Variants in SPATA18 observed in about 807,000 individuals in gnomAD.
The protein encoded by SPATA18 is spermatogenesis associated 18, also known as mitochondria-eating protein.
SPATA18 carries 54 observed loss-of-function variants against 68.1 expected under a neutral mutation model. The ratio of observed to expected loss-of-function variants is 0.79; its 90% CI spans 0.64 to 0.99. SPATA18 has a LOEUF of 0.99. Ranked by LOEUF, SPATA18 falls within the 50% of genes least tolerant of loss-of-function variation. The probability of loss-of-function intolerance (pLI) is 0.00; values close to 1 mark genes in which losing one functional copy is unlikely to be tolerated. For missense variants in SPATA18, 724 were observed against 681.1 expected (o/e 1.06, Z -0.70); for synonymous variants, 242 against 244.8 (o/e 0.99, Z 0.11).
intron 4 of SPATA18, among the ~76,000 whole-genome samples, chr4:52,064,973 G>A (rs1739197414): frequency 6.6e-6 from 1 of 152,160 alleles, no homozygotes; most frequent in African/African-American, 2.4e-5. Flanking sequence ...ATTCTTGCAG[G>A]AGTAAGATGG....
chr4:52,072,237 T>C, intron 6 of SPATA18, 81 bp downstream of exon 6: 1 of 1,546,062 alleles, frequency 6.5e-7, no homozygotes, highest in South Asian at 1.3e-5. Context: ...ATAAGTAAAA[T>C]GATAAAATGA....
chr4:52,085,540 A>G (rs553833633), intron 11 of SPATA18, among the ~76,000 whole-genome samples: 3 of 152,330 alleles, frequency 2.0e-5, no homozygotes, highest in African/African-American at 7.2e-5. Flanking sequence ...CAAAAACATC[A>G]TGAAAACTAT....
rs1308345735 is a variant in SPATA18, at chr4:52,095,590, T to C, written c.*703T>C. 2.6e-5 allele frequency: 4 copies of C among 152,284 alleles called. No homozygotes were observed. The highest frequency in any genetic ancestry group is 5.9e-5 in the Non-Finnish European group (4 of 68,112). 9.4% of individuals were successfully genotyped at this position (152,284 alleles called of 1,614,324 possible). A position where few individuals can be genotyped will look rare whatever the true frequency, so the allele number is the denominator to read the frequency against. On this transcript the variant is annotated 3_prime_UTR_variant, in exon 13 of 13. Transcript: ENST00000295213. ...GAGAGAATTTCCTTGTTCATAAATG[T>C]AGAGCAGTGATTTGATTAGAAGCCA...
intron 4 of SPATA18, among the ~76,000 whole-genome samples, chr4:52,067,816 G>A (rs1307676885): frequency 1.3e-5 from 2 of 152,126 alleles, no homozygotes; most frequent in Non-Finnish European, 2.9e-5. Context: ...TCCCCAACTA[G>A]CCTGGAAGAT....
chr4:52,051,590 G>GC lies in SPATA18; in HGVS notation c.-109dup. The GC allele has an allele frequency of 4.1e-6, 4 of 983,258 alleles. No individual in the cohort carries two copies. Among genetic ancestry groups the GC allele is most frequent in the South Asian group, 1.4e-5 (1 of 72,592 alleles). The allele number at this position is 983,258 out of a possible 1,614,324, so 60.9% of individuals were successfully genotyped here. ...GATGGAAACACCTGCCGCGCTCTGA[G>GC]CCCCCCAGAAGAGAACACCCTTCCC... On this transcript the variant is annotated 5_prime_UTR_variant, in exon 1 of 13. Coordinates refer to ENST00000295213, the MANE Select transcript of SPATA18 (RefSeq NM_145263.4).
Position 52,078,803 on chromosome 4 carries a change from AT to A in SPATA18, c.1090del (p.Ser364LeufsTer32). On this transcript the variant is annotated frameshift_variant, in exon 8 of 13. Coordinates refer to ENST00000295213, the MANE Select transcript of SPATA18 (RefSeq NM_145263.4). LOFTEE classifies it high-confidence loss of function. ...TCCATGTGAGAAAATCGTTGACACCATCTTATGTGGGGTCGAATGACTTTGA... is the reference window on the plus strand; with the variant it reads ...TCCATGTGAGAAAATCGTTGACACCACTTATGTGGGGTCGAATGACTTTGA... Reference protein sequence around the residue: ...KIHVRKSLTPSYVGSNDFENA... With the variant: ...KIHVRKSLTPXYVGSNDFENA... The A allele has an allele frequency of 6.2e-7, 1 of 1,608,860 alleles. No homozygotes were observed. The highest frequency in any genetic ancestry group is 1.3e-5 in the African/African-American group (1 of 75,018).
chr4:52,088,493 G>T (rs7694822), intron 11 of SPATA18, among the ~76,000 whole-genome samples: 94,339 of 151,542 alleles, frequency 0.62, 34,118 homozygotes, highest in Non-Finnish European at 0.81. Flanking sequence ...GAAGGCGTGT[G>T]GAATTTTATT....
chr4:52,073,785 G>T (rs1264649463), intron 6 of SPATA18, among the ~76,000 whole-genome samples: 1 of 152,128 alleles, frequency 6.6e-6, no homozygotes, highest in Non-Finnish European at 1.5e-5. Context: ...TTGTTACTTT[G>T]GGAGAGTGTG....
chr4:52,053,118 G>C (rs1738044219), intron 1 of SPATA18, among the ~76,000 whole-genome samples: 1 of 151,512 alleles, frequency 6.6e-6, no homozygotes, highest in African/African-American at 2.4e-5. Context: ...TTGCCCAGTG[G>C]CCTAACTAAA....
At position 52,096,100 on chromosome 4, in the gene SPATA18, C is replaced by A. The variant is rs1742396932; in HGVS notation, c.*1213C>A. ...CAGGTGAAAATAAAACAAACAGCTT[C>A]TCTAAAGCATCTTACCCCTGTGCTG... On this transcript the variant is annotated 3_prime_UTR_variant, in exon 13 of 13. Transcript: ENST00000295213. The A allele has an allele frequency of 6.6e-6, 1 of 152,194 alleles. No individual in the cohort carries two copies. Among genetic ancestry groups the A allele is most frequent in the African/African-American group, 2.4e-5 (1 of 41,448 alleles). The allele number at this position is 152,194 out of a possible 1,614,324, so 9.4% of individuals were successfully genotyped here.
At chr4:52,055,287 ACTT>A (rs1211183729) in intron 1 of SPATA18, among the ~76,000 whole-genome samples, 1 of 152,188 alleles carries the variant, frequency 6.6e-6, no homozygotes, top group Non-Finnish European at 1.5e-5. Flanking sequence ...TAACGTGGAA[ACTT>A]CTTATTCATT....
In SPATA18 at chr4:52,062,334, T is replaced by A. The variant is rs763157444; in HGVS notation, c.422+2T>A. On this transcript the variant is annotated splice_donor_variant, in intron 4 of 12. Transcript: ENST00000295213. LOFTEE classifies it high-confidence loss of function. Reference sequence around the variant, plus strand: ...TCAATGCAACCAGGTTCAAGACGAGTAAGAGGAATGCAAGTTATCTTTTTC... The same window carrying A: ...TCAATGCAACCAGGTTCAAGACGAGAAAGAGGAATGCAAGTTATCTTTTTC... The A allele has an allele frequency of 1.3e-6, 2 of 1,566,262 alleles. No homozygotes were observed. The highest frequency in any genetic ancestry group is 2.3e-5 in the South Asian group (2 of 86,096).
intron 4 of SPATA18, among the ~76,000 whole-genome samples, chr4:52,069,023 C>G (rs1739569261): frequency 6.6e-6 from 1 of 152,110 alleles, no homozygotes; most frequent in Admixed American, 6.5e-5. Flanking sequence ...ACCACCACAC[C>G]TGGCTAATGT....
chr4:52,090,042 C>A (rs1202044777), intron 11 of SPATA18, among the ~76,000 whole-genome samples: 1 of 152,170 alleles, frequency 6.6e-6, no homozygotes, highest in Admixed American at 6.5e-5. Context: ...TAATGCCCTT[C>A]TTTGCCTCTT....
At position 52,095,070 on chromosome 4, in the gene SPATA18, G is replaced by T; in HGVS notation, c.*183G>T. The T allele has an allele frequency of 1.6e-6, 1 of 635,550 alleles. No individual in the cohort carries two copies. The highest frequency in any genetic ancestry group is 2.7e-6 in the Non-Finnish European group (1 of 364,776). 39.4% of individuals were successfully genotyped at this position (635,550 alleles called of 1,614,324 possible). A position where few individuals can be genotyped will look rare whatever the true frequency, so the allele number is the denominator to read the frequency against. ...GCGCATTTGTAACTTTAGATATATT[G>T]CATTCTATTTTATTTTATAGATACT... On this transcript the variant is annotated 3_prime_UTR_variant, in exon 13 of 13. Transcript: ENST00000295213.
chr4:52,066,255 A>G (rs527439463), intron 4 of SPATA18, among the ~76,000 whole-genome samples: 5 of 152,166 alleles, frequency 3.3e-5, no homozygotes, highest in African/African-American at 1.2e-4. Flanking sequence ...GGTTCATGCC[A>G]TTCTCCTGCC....
intron 10 of SPATA18, 43 bp from the exon 11 acceptor site, chr4:52,084,873 C>A (rs776622275): frequency 5.0e-6 from 8 of 1,595,062 alleles, no homozygotes; most frequent in Non-Finnish European, 6.9e-6. Flanking sequence ...ACAGTTTTCA[C>A]AAACTCCTGA....
intron 12 of SPATA18, 34 bp from the exon 13 acceptor site, chr4:52,094,846 A>T (rs1276971405): frequency 8.1e-6 from 13 of 1,613,536 alleles, no homozygotes; most frequent in Non-Finnish European, 1.0e-5. Context: ...GAAGAAAGTG[A>T]CCATAATAAT....
At chr4:52,065,849 C>A (rs1341594581) in intron 4 of SPATA18, among the ~76,000 whole-genome samples, 1 of 152,184 alleles carries the variant, frequency 6.6e-6, no homozygotes, top group African/African-American at 2.4e-5. Context: ...TTTGATGAAC[C>A]CCCAAGCAAG....
Sources: allele counts gnomAD v4.1 joint callset (sites outside exome capture counted in the v4.1 genomes callset), GRCh38; gene constraint gnomAD v4.1.1; transcripts MANE v1.5; gene names NCBI Gene and HGNC (gene_info 2026-07-23, HGNC 2026-07-21).